The following NRF1 variants were observed in gnomAD, a reference collection of about 807,000 sequenced individuals.
The protein encoded by NRF1 is nuclear respiratory factor 1, also known as alpha palindromic-binding protein.
In NRF1, 5 loss-of-function variants were observed where a neutral mutation model predicts 58.5. The observed-to-expected ratio is 0.09, with a 90% confidence interval of 0.04 to 0.18. The LOEUF is 0.18. NRF1 is among the 10% of genes least tolerant of loss of function. The probability of loss-of-function intolerance (pLI) is 1.00; values close to 1 mark genes in which losing one functional copy is unlikely to be tolerated. For missense variants in NRF1, 288 were observed against 657.7 expected, an observed-to-expected ratio of 0.44 and a Z score of 6.15; for synonymous variants, 224 against 246.7, an observed-to-expected ratio of 0.91 and a Z score of 0.86.
chr7:129,700,400 T>C (rs752663280), intron 5 of NRF1, among the ~76,000 whole-genome samples: 2 of 152,180 alleles, frequency 1.3e-5, no homozygotes, highest in Non-Finnish European at 2.9e-5. Context: ...AGTCATAGTC[T>C]TCAGGGATGG....
intron 2 of NRF1, among the ~76,000 whole-genome samples, chr7:129,668,685 G>A (rs1801975217): frequency 6.6e-6 from 1 of 152,172 alleles, no homozygotes; most frequent in Non-Finnish European, 1.5e-5. Context: ...GGTTCATGTG[G>A]CAGCATGGAT....
intron 4 of NRF1, among the ~76,000 whole-genome samples, chr7:129,683,337 GA>G (rs1191585125): frequency 1.3e-5 from 2 of 150,798 alleles, no homozygotes; most frequent in Non-Finnish European, 3.0e-5. Flanking sequence ...GAGAGAGAGA[GA>G]GAGAGAGAAA....
intron 4 of NRF1, among the ~76,000 whole-genome samples, chr7:129,685,748 A>G (rs1310587052): frequency 6.6e-6 from 1 of 152,154 alleles, no homozygotes; most frequent in African/African-American, 2.4e-5. Context: ...AATTATGGCA[A>G]GGATACTTGG....
In NRF1 at chr7:129,710,997, G is replaced by C. The variant is rs138022312; in HGVS notation, c.963+426G>C. 1.6e-3 allele frequency among the ~76,000 whole-genome samples: 248 copies of C among 151,368 alleles called. 1 individual carries two copies. The highest frequency in any genetic ancestry group is 5.7e-3 in the African/African-American group (235 of 41,236). On this transcript the variant is annotated intron_variant, in intron 7 of 10. Coordinates refer to ENST00000393232, the MANE Select transcript of NRF1 (RefSeq NM_005011.5). ...GAGGTCTTGCTATGTTGCCCAGGCT[G>C]GTCTCAAACTCCTGAGCTCAAGTGA...
chr7:129,680,440 C>A (rs1310888524), intron 4 of NRF1, among the ~76,000 whole-genome samples: 4 of 152,134 alleles, frequency 2.6e-5, no homozygotes, highest in African/African-American at 9.7e-5. Context: ...AGTTCTATTC[C>A]TAAGTTATAC....
chr7:129,625,822 C>T (rs956525992), intron 1 of NRF1, among the ~76,000 whole-genome samples: 18 of 151,912 alleles, frequency 1.2e-4, no homozygotes, highest in Non-Finnish European at 2.1e-4. Flanking sequence ...GCTGGGACGT[C>T]GGGTGCCTGC....
intron 1 of NRF1, among the ~76,000 whole-genome samples, chr7:129,622,157 G>A (rs1402079319): frequency 1.3e-5 from 2 of 152,046 alleles, no homozygotes; most frequent in Non-Finnish European, 2.9e-5. Flanking sequence ...AAGCTTATTA[G>A]GTGATTTTCA....
chr7:129,661,588 C>A (rs1801781482), intron 2 of NRF1, among the ~76,000 whole-genome samples: 1 of 151,000 alleles, frequency 6.6e-6, no homozygotes, highest in South Asian at 2.1e-4. Context: ...CGAAGCATAA[C>A]AAGAGTCACC....
intron 10 of NRF1, among the ~76,000 whole-genome samples, chr7:129,750,610 G>A (rs1443609781): frequency 6.6e-6 from 1 of 152,212 alleles, no homozygotes; most frequent in African/African-American, 2.4e-5. Context: ...TCCCATCATG[G>A]CCTCCCTCTC....
intron 10 of NRF1, among the ~76,000 whole-genome samples, chr7:129,739,136 C>T (rs1369817851): frequency 6.6e-6 from 1 of 152,094 alleles, no homozygotes; most frequent in Non-Finnish European, 1.5e-5. Context: ...CTGTACTGTC[C>T]AGTATGATAG....
chr7:129,713,182 C>T (rs1157036934), intron 8 of NRF1, among the ~76,000 whole-genome samples: 1 of 151,194 alleles, frequency 6.6e-6, no homozygotes. Flanking sequence ...CTGCAACCTC[C>T]GCCTCCCAGG....
chr7:129,744,300 G>A (rs988382538), intron 10 of NRF1: 47 of 1,322,436 alleles, frequency 3.6e-5, no homozygotes, highest in East Asian at 2.8e-4. Flanking sequence ...CATTCCAGGC[G>A]CTGCTTCCTG....
intron 4 of NRF1, among the ~76,000 whole-genome samples, chr7:129,678,443 T>C (rs1802233745): frequency 6.6e-6 from 1 of 152,220 alleles, no homozygotes; most frequent in South Asian, 2.1e-4. Context: ...GTCTCCCATA[T>C]TGAATATAGG....
At chr7:129,648,515 G>A (rs962215022) in intron 1 of NRF1, among the ~76,000 whole-genome samples, 3 of 151,984 alleles carry the variant, frequency 2.0e-5, no homozygotes, top group African/African-American at 7.3e-5. Context: ...TCCTGACCTC[G>A]TGATCCGCCC....
intron 4 of NRF1, among the ~76,000 whole-genome samples, chr7:129,684,714 G>A (rs897567261): frequency 1.2e-4 from 18 of 152,234 alleles, no homozygotes; most frequent in African/African-American, 3.9e-4. Flanking sequence ...ATGAAGAACC[G>A]TGGGAGTTGC....
chr7:129,683,493 CTA>C (rs1259557878), intron 4 of NRF1, among the ~76,000 whole-genome samples: 1 of 151,660 alleles, frequency 6.6e-6, no homozygotes, highest in Non-Finnish European at 1.5e-5. Flanking sequence ...CCATGCCCGG[CTA>C]TTTTTTATGT....
intron 1 of NRF1, among the ~76,000 whole-genome samples, chr7:129,646,402 T>C (rs1801406269): frequency 6.6e-6 from 1 of 152,208 alleles, no homozygotes; most frequent in African/African-American, 2.4e-5. Context: ...GCATTTCAGA[T>C]AATTTAATTC....
intron 1 of NRF1, among the ~76,000 whole-genome samples, chr7:129,619,825 A>C (rs532748780): frequency 6.3e-4 from 95 of 150,796 alleles, no homozygotes; most frequent in Non-Finnish European, 1.3e-3. Flanking sequence ...AAATACAAAT[A>C]ACCTCTTGCA....
intron 1 of NRF1, among the ~76,000 whole-genome samples, chr7:129,632,804 C>A (rs1418710424): frequency 6.6e-6 from 1 of 152,090 alleles, no homozygotes; most frequent in African/African-American, 2.4e-5. Context: ...GAAAGTAATA[C>A]ATGTTTTTTG....
Sources: gnomAD v4.1 joint callset for allele counts (sites outside exome capture counted in the v4.1 genomes callset) on GRCh38, gnomAD v4.1.1 for gene constraint, MANE v1.5 for transcripts, NCBI Gene and HGNC (gene_info 2026-07-23, HGNC 2026-07-21) for gene names.